XRRA1: variants seen among roughly 807,000 people sequenced by gnomAD.
XRRA1 encodes X-ray radiation resistance associated 1.
In XRRA1, 69 loss-of-function variants were observed where a neutral mutation model predicts 80.2. The observed-to-expected ratio is 0.86, with a 90% CI of 0.71 to 1.05. The LOEUF (loss-of-function observed/expected upper bound fraction) is 1.05, where lower values mean the gene tolerates loss of function less well. Ranked by LOEUF, XRRA1 falls within the 50% of genes least tolerant of loss-of-function variation. The probability of loss-of-function intolerance (pLI) is 0.00; values close to 1 mark genes in which losing one functional copy is unlikely to be tolerated. For missense variants in XRRA1, 967 were observed against 976.4 expected, an observed-to-expected ratio of 0.99 and a Z score of 0.13; for synonymous variants, 348 against 389.9, an observed-to-expected ratio of 0.89 and a Z score of 1.27.
intron 5 of XRRA1, among the ~76,000 whole-genome samples, chr11:74,931,154 C>T (rs1474445710): frequency 1.9e-5 from 2 of 105,212 alleles, no homozygotes; most frequent in East Asian, 4.9e-4. Context: ...GTGTGTGTAT[C>T]AACTATATAT....
At chr11:74,943,710 A>G (rs1017329896) in intron 2 of XRRA1, among the ~76,000 whole-genome samples, 8 of 152,026 alleles carry the variant, frequency 5.3e-5, no homozygotes, top group Non-Finnish European at 1.0e-4. Flanking sequence ...TATACGTGAA[A>G]TCTCCTATTT....
chr11:74,874,233 C>CAAAA (rs367875228), intron 10 of XRRA1, among the ~76,000 whole-genome samples: 288 of 48,304 alleles, frequency 6.0e-3, no homozygotes, highest in Non-Finnish European at 7.5e-3. Context: ...GACTCCGTCT[C>CAAAA]AAAAAAAAAA....
In XRRA1 at chr11:74,937,141, T is replaced by C. The variant is rs1945194065; in HGVS notation, c.95-73A>G. The C allele has an allele frequency of 4.7e-6, 7 of 1,481,630 alleles. No individual in the cohort carries two copies. The South Asian group carries it at 9.5e-5, about 20-fold the overall frequency. The allele number at this position is 1,481,630 out of a possible 1,614,324, so 91.8% of individuals were successfully genotyped here. A position where few individuals can be genotyped will look rare whatever the true frequency, so the allele number is the denominator to read the frequency against. ...AACGAGTGCAGTTATAGACTTTGTT[T>C]ATAATACTAAAACCAAAAATAGCTC... On this transcript the variant is annotated intron_variant, in intron 3 of 18. Transcript: ENST00000684022.
At chr11:74,882,494 CCTT>C (rs1336969282) in intron 10 of XRRA1, among the ~76,000 whole-genome samples, 2 of 152,124 alleles carry the variant, frequency 1.3e-5, no homozygotes, top group Admixed American at 6.5e-5. Flanking sequence ...TCGTCTGAAG[CCTT>C]CTTCTCTCAG....
chr11:74,947,845 C>CGGGA, intron 1 of XRRA1, among the ~76,000 whole-genome samples: 1 of 152,296 alleles, frequency 6.6e-6, no homozygotes, highest in Non-Finnish European at 1.5e-5. Flanking sequence ...CTGCCTCAGC[C>CGGGA]TCCCAAGTAG....
intron 15 of XRRA1, 122 bp downstream of exon 15, chr11:74,847,993 C>T: frequency 1.1e-6 from 1 of 900,228 alleles, no homozygotes. Context: ...GTGCTGACTT[C>T]TTGTTTCCAG....
chr11:74,935,849 T>C (rs539211412), intron 4 of XRRA1, among the ~76,000 whole-genome samples: 1 of 152,288 alleles, frequency 6.6e-6, no homozygotes, highest in South Asian at 2.1e-4. Flanking sequence ...CTGTATTTAT[T>C]GAATATGGGA....
chr11:74,843,294 G>A lies in XRRA1; in HGVS notation c.2309C>T (p.Pro770Leu), dbSNP rs2036883086. Reference protein sequence around the residue: ...FGTTPLPMACPALSESQPKFG... With the variant: ...FGTTPLPMACLALSESQPKFG... ...CTTGGGCTGGCTCTCACTCAGCGCT[G>A]GGCAGGCCATGGGGAGCGGGGTAGT... is the stretch of plus-strand genomic sequence containing the variant. Residue 770 changes from proline to leucine, a missense_variant, in exon 19 of 19, where the codon CCA (proline) becomes CTA (leucine). Coordinates refer to ENST00000684022, the MANE Select transcript of XRRA1 (RefSeq NM_001378157.1). 2 of 1,598,000 alleles carry A rather than the reference G, an allele frequency of 1.3e-6. No individual in the cohort carries two copies. Among genetic ancestry groups the A allele is most frequent in the East Asian group, 4.6e-5 (2 of 43,956 alleles).
chr11:74,916,199 C>G (rs2138677182), intron 8 of XRRA1, among the ~76,000 whole-genome samples: 1 of 152,256 alleles, frequency 6.6e-6, no homozygotes, highest in Non-Finnish European at 1.5e-5. Flanking sequence ...TGTTTATATT[C>G]ATGTCATTCA....
chr11:74,875,667 G>A (rs746582871), intron 10 of XRRA1, among the ~76,000 whole-genome samples: 16 of 152,062 alleles, frequency 1.1e-4, no homozygotes, highest in Non-Finnish European at 1.9e-4. Flanking sequence ...TCAGGAGTTC[G>A]AGACCAGCCT....
intron 3 of XRRA1, among the ~76,000 whole-genome samples, chr11:74,937,616 A>C (rs1945307012): frequency 6.6e-6 from 1 of 152,104 alleles, no homozygotes; most frequent in South Asian, 2.1e-4. Flanking sequence ...AAAAAAAAAA[A>C]CCTAATAATA....
chr11:74,860,736 A>C (rs1282830279), intron 11 of XRRA1, among the ~76,000 whole-genome samples: 2 of 152,214 alleles, frequency 1.3e-5, no homozygotes, highest in Non-Finnish European at 2.9e-5. Context: ...GGTGGAGACC[A>C]TGTGTCTACC....
rs189985892 is a variant in XRRA1, at chr11:74,929,695, T to C, written c.424+605A>G. On this transcript the variant is annotated intron_variant, in intron 6 of 18. Coordinates refer to ENST00000684022, the MANE Select transcript of XRRA1 (RefSeq NM_001378157.1). ...GAATCACTCCTATTCATTTTTCTGG[T>C]CTCAGCTTAGGTGCTCCTCTTCTCA... 8.7e-4 allele frequency among the ~76,000 whole-genome samples: 133 copies of C among 152,314 alleles called. 1 individual carries two copies. Among genetic ancestry groups the C allele is most frequent in the Non-Finnish European group, 1.0e-3 (70 of 68,024 alleles).
chr11:74,863,226 A>C, intron 10 of XRRA1: 2 of 612,568 alleles, frequency 3.3e-6, no homozygotes, highest in Non-Finnish European at 5.9e-6. Flanking sequence ...CTTAGGATAA[A>C]ATACAAACTG....
intron 10 of XRRA1, among the ~76,000 whole-genome samples, chr11:74,874,423 TG>T (rs1045883703): frequency 2.0e-5 from 3 of 152,006 alleles, no homozygotes; most frequent in African/African-American, 7.2e-5. Context: ...GGAATGGCCC[TG>T]GGAGTTTTAA....
At chr11:74,874,525 C>A (rs182013077) in intron 10 of XRRA1, among the ~76,000 whole-genome samples, 113 of 152,262 alleles carry the variant, frequency 7.4e-4, no homozygotes, top group Non-Finnish European at 1.3e-3. Context: ...TGCCTCTGAG[C>A]CATTGCCAAA....
At chr11:74,888,503 C>T (rs2049701485) in intron 10 of XRRA1, among the ~76,000 whole-genome samples, 1 of 152,188 alleles carries the variant, frequency 6.6e-6, no homozygotes, top group South Asian at 2.1e-4. Flanking sequence ...CTCTAAAAAT[C>T]AGAATGCCTC....
chr11:74,869,945 A>G (rs1050887060), intron 10 of XRRA1, among the ~76,000 whole-genome samples: 83 of 152,266 alleles, frequency 5.5e-4, no homozygotes, highest in African/African-American at 1.9e-3. Context: ...CCATGAGACA[A>G]CAAACCTCGG....
At chr11:74,896,438 G>A (rs993100654) in intron 10 of XRRA1, among the ~76,000 whole-genome samples, 1 of 152,236 alleles carries the variant, frequency 6.6e-6, no homozygotes, top group East Asian at 1.9e-4. Flanking sequence ...TCCTCTGCCT[G>A]TGGAAAGGGG....
Sources: gnomAD v4.1 joint callset for allele counts (sites outside exome capture counted in the v4.1 genomes callset) on GRCh38, gnomAD v4.1.1 for gene constraint, MANE v1.5 for transcripts, NCBI Gene and HGNC (gene_info 2026-07-23, HGNC 2026-07-21) for gene names.